The following RFPL1 variants were observed in gnomAD, a reference collection of about 807,000 sequenced individuals.
The protein encoded by RFPL1 is ret finger protein-like 1.
In RFPL1, 6 loss-of-function variants were observed where a neutral mutation model predicts 9.6. That is an observed-to-expected ratio of 0.62 (90% confidence interval 0.34 to 1.23). RFPL1 has a LOEUF of 1.23. RFPL1 is among the 50% of genes most tolerant of loss of function. RFPL1 has a pLI of 0.03. For synonymous variants in RFPL1, 145 were observed against 149.4 expected, an observed-to-expected ratio of 0.97 and a Z score of 0.22; for missense variants, 352 against 398.4, an observed-to-expected ratio of 0.88 and a Z score of 0.99.
At chr22:29,413,587 A>G in the RFPL1 span, among the ~76,000 whole-genome samples, 7 of 152,350 alleles carry the variant, frequency 4.6e-5, no homozygotes, top group Admixed American at 4.6e-4. Context: ...TGCTTCCTGT[A>G]TGTTTATACC....
At chr22:29,419,425 G>A in the RFPL1 span, among the ~76,000 whole-genome samples, 1 of 151,880 alleles carries the variant, frequency 6.6e-6, no homozygotes, top group African/African-American at 2.4e-5. Context: ...GCAACAGTGA[G>A]GGATGACTGT....
chr22:29,390,195 A>G, the RFPL1 span, among the ~76,000 whole-genome samples: 1 of 152,218 alleles, frequency 6.6e-6, no homozygotes, highest in Non-Finnish European at 1.5e-5. Flanking sequence ...CATTACGTGG[A>G]TGGTACTGCT....
At chr22:29,398,205 C>G in the RFPL1 span, among the ~76,000 whole-genome samples, 3 of 152,220 alleles carry the variant, frequency 2.0e-5, no homozygotes, top group African/African-American at 7.2e-5. Context: ...ATCTCTGTTA[C>G]TCCTTTGCTA....
the RFPL1 span, among the ~76,000 whole-genome samples, chr22:29,412,831 C>A: frequency 1.3e-5 from 2 of 152,098 alleles, no homozygotes; most frequent in Non-Finnish European, 2.9e-5. Context: ...TTCAGGGTCC[C>A]TGGAGATGAG....
chr22:29,434,150 C>T (rs1286226671), upstream of RFPL1, among the ~76,000 whole-genome samples: 1 of 152,096 alleles, frequency 6.6e-6, no homozygotes, highest in Non-Finnish European at 1.5e-5. Flanking sequence ...CCGTACACAG[C>T]CTGATCTAAT....
At chr22:29,396,109 A>G in the RFPL1 span, among the ~76,000 whole-genome samples, 1 of 152,156 alleles carries the variant, frequency 6.6e-6, no homozygotes, top group Non-Finnish European at 1.5e-5. Context: ...CAGGCTCTCA[A>G]CCCCACCTGG....
At chr22:29,418,103 G>A in the RFPL1 span, among the ~76,000 whole-genome samples, 1 of 152,156 alleles carries the variant, frequency 6.6e-6, no homozygotes, top group East Asian at 1.9e-4. Flanking sequence ...GCTAATTTTT[G>A]TATTTTTAGT....
the RFPL1 span, among the ~76,000 whole-genome samples, chr22:29,389,842 G>C: frequency 1.3e-5 from 2 of 150,952 alleles, no homozygotes; most frequent in Non-Finnish European, 2.9e-5. Flanking sequence ...TCTGTTGCCC[G>C]GACTGGAGTG....
At chr22:29,391,047 C>A in the RFPL1 span, among the ~76,000 whole-genome samples, 2 of 151,682 alleles carry the variant, frequency 1.3e-5, no homozygotes, top group African/African-American at 2.4e-5. Flanking sequence ...GAGGCTGAGG[C>A]AGGAGAATGG....
chr22:29,395,130 C>A, the RFPL1 span, among the ~76,000 whole-genome samples: 3 of 152,092 alleles, frequency 2.0e-5, no homozygotes, highest in Non-Finnish European at 4.4e-5. Flanking sequence ...AGTATTCTTC[C>A]CCTCTGCGCC....
the RFPL1 span, among the ~76,000 whole-genome samples, chr22:29,410,464 C>CTATATATAGATATATA: frequency 3.5e-5 from 2 of 57,484 alleles, no homozygotes; most frequent in East Asian, 1.3e-3. Context: ...ATATATATAT[C>CTATATATAGATATATA]TATATATAGA....
chr22:29,388,077 G>A, the RFPL1 span, among the ~76,000 whole-genome samples: 1 of 152,200 alleles, frequency 6.6e-6, no homozygotes, highest in Non-Finnish European at 1.5e-5. Flanking sequence ...CAACGAGGAG[G>A]CCTCAGGATG....
At chr22:29,428,175 G>GAAA in the RFPL1 span, among the ~76,000 whole-genome samples, 3 of 152,236 alleles carry the variant, frequency 2.0e-5, no homozygotes, top group Non-Finnish European at 4.4e-5. Context: ...TGCTAATGTT[G>GAAA]AAAAACGAAA....
chr22:29,432,542 GGT>G, the RFPL1 span, among the ~76,000 whole-genome samples: 2 of 152,118 alleles, frequency 1.3e-5, no homozygotes, highest in African/African-American at 4.8e-5. Flanking sequence ...AGCGTCTCTC[GGT>G]CGCCGGCTAA....
chr22:29,404,961 C>T, the RFPL1 span, among the ~76,000 whole-genome samples: 1 of 152,130 alleles, frequency 6.6e-6, no homozygotes, highest in African/African-American at 2.4e-5. Flanking sequence ...AACTTCTGAC[C>T]TCAAGCAATC....
the RFPL1 span, among the ~76,000 whole-genome samples, chr22:29,405,906 G>A: frequency 6.6e-6 from 1 of 150,652 alleles, no homozygotes; most frequent in Admixed American, 6.6e-5. Context: ...TCAGGAGATC[G>A]AGACCATCCT....
the RFPL1 span, among the ~76,000 whole-genome samples, chr22:29,390,085 C>A: frequency 6.6e-6 from 1 of 152,186 alleles, no homozygotes; most frequent in South Asian, 2.1e-4. Context: ...TAGGCGTGAG[C>A]CACTGTTGGT....
the RFPL1 span, among the ~76,000 whole-genome samples, chr22:29,390,978 A>G: frequency 2.0e-4 from 30 of 151,510 alleles, no homozygotes; most frequent in Middle Eastern, 3.4e-3. Context: ...CGTCTCTACT[A>G]AAAAATACAA....
chr22:29,402,315 C>A, the RFPL1 span, among the ~76,000 whole-genome samples: 1 of 152,220 alleles, frequency 6.6e-6, no homozygotes, highest in Non-Finnish European at 1.5e-5. Flanking sequence ...ATTTACTATT[C>A]ATCTTCATCA....
Sources: allele counts gnomAD v4.1 joint callset (sites outside exome capture counted in the v4.1 genomes callset), GRCh38; gene constraint gnomAD v4.1.1; transcripts MANE v1.5; gene names NCBI Gene and HGNC (gene_info 2026-07-23, HGNC 2026-07-21).